NAA50: variants seen among roughly 807,000 people sequenced by gnomAD.
NAA50 encodes the protein N-alpha-acetyltransferase 50, NatE catalytic subunit.
NAA50 carries 7 observed loss-of-function variants against 20.7 expected under a neutral mutation model. The observed-to-expected ratio is 0.34, with a 90% CI of 0.19 to 0.63. The LOEUF (loss-of-function observed/expected upper bound fraction) is 0.63. Ranked by LOEUF, NAA50 falls within the 30% of genes least tolerant of loss-of-function variation. The probability of loss-of-function intolerance (pLI) is 0.75; values close to 1 mark genes in which losing one functional copy is unlikely to be tolerated. For synonymous variants in NAA50, 54 were observed against 70.6 expected (o/e 0.77, Z 1.18); for missense variants, 111 against 199.1 (o/e 0.56, Z 2.66).
intron 1 of NAA50, among the ~76,000 whole-genome samples, chr3:113,728,268 A>G (rs965000859): frequency 6.6e-6 from 1 of 152,234 alleles, no homozygotes; most frequent in Non-Finnish European, 1.5e-5. Flanking sequence ...AAATTTTTCT[A>G]AAGTTCTTAT....
rs1200741996 is a variant in NAA50 at position 113,718,368 on chromosome 3, TC to T, written c.*3391del. On this transcript the variant is annotated 3_prime_UTR_variant, in exon 5 of 5. Coordinates refer to ENST00000240922, the MANE Select transcript of NAA50 (RefSeq NM_025146.4). ...AGACAGAACCACCCAGTTAAGCAGCTCCTAGATTCCTGATCCAGAACTGTGG... is the reference window on the plus strand; with the variant it reads ...AGACAGAACCACCCAGTTAAGCAGCTCTAGATTCCTGATCCAGAACTGTGG... 9.2e-5 allele frequency: 14 copies of T among 152,366 alleles called. No individual in the cohort carries two copies. Among genetic ancestry groups the T allele is most frequent in the African/African-American group, 3.1e-4 (13 of 41,572 alleles). The allele number at this position is 152,366 out of a possible 1,614,324, so 9.4% of individuals were successfully genotyped here.
At chr3:113,737,717 G>T (rs1317838909) in intron 1 of NAA50, among the ~76,000 whole-genome samples, 1 of 152,128 alleles carries the variant, frequency 6.6e-6, no homozygotes, top group East Asian at 1.9e-4. Flanking sequence ...ATTATTCTTT[G>T]TTGTAAAGGG....
Position 113,721,190 on chromosome 3 carries a change from AT to A in NAA50, c.*569del, listed in dbSNP as rs1559736478. ...CCCACCAGCAAGAAGAGAAGATATA[AT>A]TACTTAAAAATCAACATAAGCTTAG... On this transcript the variant is annotated 3_prime_UTR_variant, in exon 5 of 5. Transcript: ENST00000240922. The A allele has an allele frequency of 6.5e-6, 1 of 152,992 alleles. No individual in the cohort carries two copies. The highest frequency in any genetic ancestry group is 1.9e-4 in the East Asian group (1 of 5,216). 9.5% of individuals were successfully genotyped at this position (152,992 alleles called of 1,614,324 possible).
At chr3:113,722,553 G>T (rs927493255) in intron 4 of NAA50, among the ~76,000 whole-genome samples, 3 of 152,036 alleles carry the variant, frequency 2.0e-5, no homozygotes, top group African/African-American at 7.2e-5. Flanking sequence ...CTACTACAAT[G>T]TTCAAAGCTA....
chr3:113,719,460 T>C lies in NAA50; in HGVS notation c.*2300A>G, dbSNP rs958362669. On this transcript the variant is annotated 3_prime_UTR_variant, in exon 5 of 5. Transcript: ENST00000240922. ...ATATATCAAAATAACCAGCTCAACA[T>C]AGGACATTACTTCAGTCTTTACTGA... 23 of 152,618 alleles carry C rather than the reference T, an allele frequency of 1.5e-4. No homozygotes were observed. The highest frequency in any genetic ancestry group is 4.6e-4 in the African/African-American group (19 of 41,454). 9.5% of individuals were successfully genotyped at this position (152,618 alleles called of 1,614,324 possible). A position where few individuals can be genotyped will look rare whatever the true frequency, so the allele number is the denominator to read the frequency against.
At position 113,741,023 on chromosome 3, in the gene NAA50, T is replaced by C. The variant is rs140377008; in HGVS notation, c.8+4919A>G. ...CTTTTACATAACATTAACAGTTACT[T>C]TTCTAATCCCTTCTTCAGTGTCTGA... is the stretch of plus-strand genomic sequence containing the variant. On this transcript the variant is annotated intron_variant, in intron 1 of 4. Transcript: ENST00000240922. 17 of 485,768 alleles carry C rather than the reference T, an allele frequency of 3.5e-5. No homozygotes were observed. In the East Asian group the frequency reaches 9.6e-4, roughly 27 times the overall value. The allele number at this position is 485,768 out of a possible 1,614,324, so 30.1% of individuals were successfully genotyped here. A position where few individuals can be genotyped will look rare whatever the true frequency, so the allele number is the denominator to read the frequency against.
intron 2 of NAA50, 74 bp from the exon 3 acceptor site, chr3:113,723,615 A>C: frequency 6.9e-7 from 1 of 1,439,584 alleles, no homozygotes; most frequent in Non-Finnish European, 9.4e-7. Context: ...CTTTTAAAGG[A>C]CTACACTGTT....
intron 1 of NAA50, among the ~76,000 whole-genome samples, chr3:113,730,799 T>C (rs558679089): frequency 6.6e-6 from 1 of 152,356 alleles, no homozygotes; most frequent in African/African-American, 2.4e-5. Flanking sequence ...GGTATTCCAT[T>C]ATGTGGATGT....
At chr3:113,736,258 A>C (rs928357974) in intron 1 of NAA50, among the ~76,000 whole-genome samples, 2 of 152,186 alleles carry the variant, frequency 1.3e-5, no homozygotes, top group African/African-American at 4.8e-5. Context: ...TCAAACCCCA[A>C]GGCATTTTCA....
intron 1 of NAA50, among the ~76,000 whole-genome samples, chr3:113,728,840 C>T (rs1188756320): frequency 6.6e-6 from 1 of 152,178 alleles, no homozygotes; most frequent in African/African-American, 2.4e-5. Flanking sequence ...CAAACAATTT[C>T]AAATCTTTGT....
In NAA50 at chr3:113,721,937, C is replaced by A. The variant is rs1344132382; in HGVS notation, c.333G>T (p.Leu111=). ...EKDGTFDNIY[L]HVQISNESAI... is the part of the protein sequence containing the mutation. The stretch of plus-strand genomic sequence containing the variant: ...CCGACTCATTGCTGATCTGGACATG[C>A]CTGAGATATAAGAGAGTATCAGAAA... Residue 111 remains leucine, a splice_region_variant and synonymous_variant, in exon 5 of 5, where the codon CTG becomes CTT. Transcript: ENST00000240922. 1 of 1,611,956 alleles carries A rather than the reference C, an allele frequency of 6.2e-7. No individual in the cohort carries two copies.
intron 1 of NAA50, among the ~76,000 whole-genome samples, chr3:113,739,849 A>G (rs142504266): frequency 1.1e-4 from 16 of 152,378 alleles, no homozygotes; most frequent in Admixed American, 9.8e-4. Flanking sequence ...TTATGGGTTT[A>G]GCACAGGACC....
At chr3:113,727,071 C>T (rs1434239665) in intron 1 of NAA50, among the ~76,000 whole-genome samples, 2 of 152,212 alleles carry the variant, frequency 1.3e-5, no homozygotes, top group Non-Finnish European at 2.9e-5. Flanking sequence ...GGCCTACAGG[C>T]GTGAGCCACT....
intron 1 of NAA50, among the ~76,000 whole-genome samples, chr3:113,728,715 G>T (rs1488976785): frequency 6.6e-6 from 1 of 152,162 alleles, no homozygotes; most frequent in Non-Finnish European, 1.5e-5. Context: ...TTGTAGTTGT[G>T]TGGCTTTAAT....
chr3:113,734,019 A>G (rs1287906034), intron 1 of NAA50, among the ~76,000 whole-genome samples: 2 of 152,106 alleles, frequency 1.3e-5, no homozygotes, highest in Non-Finnish European at 2.9e-5. Context: ...TAAAATGGGA[A>G]TCGATCCTAC....
At chr3:113,730,219 T>C (rs932674721) in intron 1 of NAA50, among the ~76,000 whole-genome samples, 5 of 152,172 alleles carry the variant, frequency 3.3e-5, no homozygotes, top group African/African-American at 9.7e-5. Flanking sequence ...GAGAATTGCT[T>C]GAACCCAAGG....
At chr3:113,727,854 CAA>C (rs1708218326) in intron 1 of NAA50, among the ~76,000 whole-genome samples, 1 of 151,854 alleles carries the variant, frequency 6.6e-6, no homozygotes, top group African/African-American at 2.4e-5. Flanking sequence ...TTGCAAGAAA[CAA>C]ATATGCTAGA....
intron 2 of NAA50, 28 bp from the exon 3 acceptor site, chr3:113,723,569 G>A (rs1708162402): frequency 1.9e-6 from 3 of 1,585,074 alleles, no homozygotes; most frequent in African/African-American, 2.7e-5. Context: ...AAGATATAAT[G>A]TTGAACAGAC....
intron 1 of NAA50, among the ~76,000 whole-genome samples, chr3:113,726,632 T>C (rs1708202651): frequency 6.6e-6 from 1 of 151,600 alleles, no homozygotes; most frequent in Non-Finnish European, 1.5e-5. Context: ...TAGTCACAGC[T>C]ACCCGGGAGG....
Sources: gnomAD v4.1 joint callset for allele counts (sites outside exome capture counted in the v4.1 genomes callset) on GRCh38, gnomAD v4.1.1 for gene constraint, MANE v1.5 for transcripts, NCBI Gene and HGNC (gene_info 2026-07-23, HGNC 2026-07-21) for gene names.